Variants in ADARB2 observed in about 807,000 individuals in gnomAD.
The protein encoded by ADARB2 is adenosine deaminase RNA specific B2 (inactive).
A neutral mutation model predicts 62.2 loss-of-function variants in ADARB2; 25 were observed. The ratio of observed to expected loss-of-function variants is 0.40; its 90% CI spans 0.29 to 0.56. ADARB2 has a LOEUF of 0.56. ADARB2 is among the 20% of genes least tolerant of loss of function. The pLI, the probability that ADARB2 is intolerant of heterozygous loss-of-function variation, is 0.43. For synonymous variants in ADARB2, 572 were observed against 500.8 expected (o/e 1.14, Z -1.90); for missense variants, 1,071 against 1,077.4 (o/e 0.99, Z 0.08).
At chr10:1,258,637 C>A (rs993473287) in intron 4 of ADARB2, among the ~76,000 whole-genome samples, 3 of 152,140 alleles carry the variant, frequency 2.0e-5, no homozygotes, top group African/African-American at 7.2e-5. Flanking sequence ...CAGGAGCACC[C>A]AGATTCATAA....
At chr10:1,211,840 T>G (rs1837156702) in intron 7 of ADARB2, among the ~76,000 whole-genome samples, 1 of 152,244 alleles carries the variant, frequency 6.6e-6, no homozygotes, top group Non-Finnish European at 1.5e-5. Flanking sequence ...TAAAATAATT[T>G]GGAGTGGTGA....
At chr10:1,661,910 G>C (rs1049234901) in intron 1 of ADARB2, among the ~76,000 whole-genome samples, 4 of 152,198 alleles carry the variant, frequency 2.6e-5, no homozygotes, top group African/African-American at 9.6e-5. Flanking sequence ...GGGAGGGAAA[G>C]GGGCTAGGAG....
At chr10:1,601,336 G>T (rs1012839465) in intron 1 of ADARB2, among the ~76,000 whole-genome samples, 5 of 152,188 alleles carry the variant, frequency 3.3e-5, no homozygotes, top group Non-Finnish European at 7.3e-5. Context: ...TCCAGGTTCG[G>T]CTCTGCAGTG....
At chr10:1,570,506 C>A (rs963779590) in intron 1 of ADARB2, among the ~76,000 whole-genome samples, 2 of 152,184 alleles carry the variant, frequency 1.3e-5, no homozygotes, top group African/African-American at 4.8e-5. Flanking sequence ...TGTCTCTAAG[C>A]CTGGTGGCTT....
At chr10:1,492,015 AT>A (rs1831628450) in intron 1 of ADARB2, among the ~76,000 whole-genome samples, 1 of 152,220 alleles carries the variant, frequency 6.6e-6, no homozygotes, top group African/African-American at 2.4e-5. Flanking sequence ...TGATAAGATC[AT>A]TTTTGTGATA....
chr10:1,643,178 T>G (rs1221400187), intron 1 of ADARB2, among the ~76,000 whole-genome samples: 1 of 152,222 alleles, frequency 6.6e-6, no homozygotes, highest in East Asian at 1.9e-4. Flanking sequence ...GCCTTCCCTA[T>G]TTACGGTGCT....
intron 7 of ADARB2, among the ~76,000 whole-genome samples, chr10:1,211,314 CATCT>C (rs78760134): frequency 1.3e-5 from 2 of 151,704 alleles, no homozygotes; most frequent in East Asian, 1.9e-4. Flanking sequence ...CTGTCATCTT[CATCT>C]ATCTGTCATT....
intron 3 of ADARB2, among the ~76,000 whole-genome samples, chr10:1,281,773 C>T (rs1430246245): frequency 1.3e-5 from 2 of 152,086 alleles, no homozygotes; most frequent in African/African-American, 2.4e-5. Context: ...CTTTTTTTTC[C>T]GTTTAAAAAG....
At chr10:1,505,414 T>C (rs1384008901) in intron 1 of ADARB2, among the ~76,000 whole-genome samples, 8 of 151,254 alleles carry the variant, frequency 5.3e-5, no homozygotes, top group Non-Finnish European at 1.0e-4. Context: ...ATAACTCAGA[T>C]GCCAGTTTTC....
At chr10:1,233,633 G>C (rs1830830559) in intron 6 of ADARB2, 61 bp downstream of exon 6, 1 of 1,539,266 alleles carries the variant, frequency 6.5e-7, no homozygotes, top group East Asian at 2.3e-5. Flanking sequence ...CCAGGACAGA[G>C]TCCCAGATAG....
At chr10:1,362,978 C>T in intron 3 of ADARB2, 50 bp downstream of exon 3, 2 of 1,276,868 alleles carry the variant, frequency 1.6e-6, no homozygotes, top group African/African-American at 1.5e-5. Flanking sequence ...CGGGGTCTCC[C>T]CCGCGCCCCC....
At chr10:1,685,007 G>C (rs1455032871) in intron 1 of ADARB2, among the ~76,000 whole-genome samples, 1 of 152,150 alleles carries the variant, frequency 6.6e-6, no homozygotes, top group Non-Finnish European at 1.5e-5. Context: ...TCTGAGTGTG[G>C]GTTGTCATCC....
chr10:1,687,871 G>T (rs1339879058), intron 1 of ADARB2, among the ~76,000 whole-genome samples: 3 of 152,102 alleles, frequency 2.0e-5, no homozygotes, highest in African/African-American at 7.2e-5. Flanking sequence ...AGCTTGAAGA[G>T]GAAAATATTA....
At chr10:1,655,744 G>C (rs1434119044) in intron 1 of ADARB2, among the ~76,000 whole-genome samples, 1 of 152,188 alleles carries the variant, frequency 6.6e-6, no homozygotes, top group Non-Finnish European at 1.5e-5. Context: ...GCTTTCAGGA[G>C]TAAGTTCATG....
intron 1 of ADARB2, among the ~76,000 whole-genome samples, chr10:1,519,483 G>T (rs1205854829): frequency 6.6e-6 from 1 of 152,180 alleles, no homozygotes. Flanking sequence ...TCATATGCTT[G>T]CATCGTAGGG....
chr10:1,609,747 T>C (rs893334551), intron 1 of ADARB2, among the ~76,000 whole-genome samples: 2 of 152,230 alleles, frequency 1.3e-5, no homozygotes, highest in African/African-American at 4.8e-5. Context: ...CACTGGGCTC[T>C]ACTGGGCCCG....
intron 1 of ADARB2, among the ~76,000 whole-genome samples, chr10:1,734,618 G>A (rs150488774): frequency 8.5e-5 from 13 of 152,214 alleles, no homozygotes; most frequent in Admixed American, 2.6e-4. Flanking sequence ...GTAGAAATAC[G>A]CATCTGACAG....
chr10:1,710,482 G>C (rs916485340), intron 1 of ADARB2, among the ~76,000 whole-genome samples: 1 of 151,898 alleles, frequency 6.6e-6, no homozygotes, highest in African/African-American at 2.4e-5. Context: ...CAGAAGATAA[G>C]CTGGAGGGAT....
intron 8 of ADARB2, among the ~76,000 whole-genome samples, chr10:1,191,323 G>T (rs1295938498): frequency 2.0e-5 from 3 of 152,244 alleles, no homozygotes; most frequent in African/African-American, 7.2e-5. Context: ...GCAACCTGGG[G>T]ATGCACGGGG....
Sources: gnomAD v4.1 joint callset for allele counts (sites outside exome capture counted in the v4.1 genomes callset) on GRCh38, gnomAD v4.1.1 for gene constraint, MANE v1.5 for transcripts, NCBI Gene and HGNC (gene_info 2026-07-23, HGNC 2026-07-21) for gene names.